Variants in C11orf16 observed in about 807,000 individuals in gnomAD.
C11orf16 encodes the protein uncharacterized protein C11orf16.
A neutral mutation model predicts 45.1 loss-of-function variants in C11orf16; 38 were observed. The observed-to-expected ratio is 0.84, with a 90% CI of 0.65 to 1.10. The LOEUF (loss-of-function observed/expected upper bound fraction) is 1.10. Among genes scored for constraint, C11orf16 ranks in the 50% least tolerant of loss-of-function variants. The pLI is 0.00. For synonymous variants in C11orf16, 221 were observed against 222.0 expected (o/e 1.00, Z 0.04); for missense variants, 583 against 569.5 (o/e 1.02, Z -0.24).
chr11:8,931,403 C>G (rs758165494), intron 2 of C11orf16, among the ~76,000 whole-genome samples: 2 of 150,724 alleles, frequency 1.3e-5, no homozygotes, highest in Non-Finnish European at 3.0e-5. Flanking sequence ...ATTGTTTTTT[C>G]TTTGAGACAG....
rs2064603651 is a variant in C11orf16 at position 8,925,527 on chromosome 11, G to C, written c.1140C>G (p.Gly380=). The C allele has an allele frequency of 6.2e-7, 1 of 1,614,202 alleles. No homozygotes were observed. The highest frequency in any genetic ancestry group is 2.2e-5 in the East Asian group (1 of 44,874). Residue 380 remains glycine, a synonymous_variant, in exon 5 of 7, where the codon GGC becomes GGG. Coordinates refer to ENST00000326053, the MANE Select transcript of C11orf16 (RefSeq NM_020643.3). ...AATACCTCCACTCAGGCTGGCAGAG[G>C]CCACTCTGTCTCAGAGGCATCTCAA... ...IFLEMPLRQS[G]LCQPEWRYWK...
chr11:8,927,264 G>A, intron 3 of C11orf16, 90 bp from the exon 4 acceptor site: 1 of 976,326 alleles, frequency 1.0e-6, no homozygotes, highest in Non-Finnish European at 1.5e-6. Context: ...CCCAAATCAG[G>A]CCCAGGGGCT....
At chr11:8,930,219 G>A (rs758786577) in intron 2 of C11orf16, among the ~76,000 whole-genome samples, 3 of 152,002 alleles carry the variant, frequency 2.0e-5, no homozygotes, top group Non-Finnish European at 4.4e-5. Flanking sequence ...ACGAGGTCAA[G>A]AGATCGAGAC....
At chr11:8,929,280 GA>G in intron 3 of C11orf16, 96 bp downstream of exon 3, 1 of 1,331,992 alleles carries the variant, frequency 7.5e-7, no homozygotes, top group Non-Finnish European at 1.0e-6. Flanking sequence ...GCTTATGCAA[GA>G]AACCAGCCTG....
Position 8,925,471 on chromosome 11 carries a change from C to G in C11orf16, c.1196G>C (p.Gly399Ala). ...CCACTCCCCTGGTATACCTGGCTTC[C>G]CAAGGCATGGCTCAGGCCCGTTTCT... ...WKRNGPEPCL[G>A]KPGTRYSNIC... Residue 399 changes from glycine to alanine, a missense_variant, in exon 5 of 7, where the codon GGG (glycine) becomes GCG (alanine). Coordinates refer to ENST00000326053, the MANE Select transcript of C11orf16 (RefSeq NM_020643.3). The G allele has an allele frequency of 1.2e-6, 2 of 1,611,556 alleles. No homozygotes were observed. Among genetic ancestry groups the G allele is most frequent in the Non-Finnish European group, 1.7e-6 (2 of 1,178,168 alleles).
At position 8,927,181 on chromosome 11, in the gene C11orf16, G is replaced by A. The variant is rs1168554510; in HGVS notation, c.325-7C>T. The A allele has an allele frequency of 1.2e-6, 2 of 1,606,406 alleles. No individual in the cohort carries two copies. Among genetic ancestry groups the A allele is most frequent in the South Asian group, 1.1e-5 (1 of 90,724 alleles). On this transcript the variant is annotated splice_polypyrimidine_tract_variant and splice_region_variant and intron_variant, in intron 3 of 6. Transcript: ENST00000326053. ...GGACCCCCTGTCTCTCCAGCTGTGGGAAAGAAAACACTCAGAATAAGACCT... is the reference window on the plus strand; with the variant it reads ...GGACCCCCTGTCTCTCCAGCTGTGGAAAAGAAAACACTCAGAATAAGACCT...
At position 8,926,043 on chromosome 11, in the gene C11orf16, A is replaced by G. The variant is rs774276437; in HGVS notation, c.624T>C (p.Gly208=). 11 of 1,613,984 alleles carry G rather than the reference A, an allele frequency of 6.8e-6. No homozygotes were observed. The East Asian group carries it at 1.8e-4, about 26-fold the overall frequency. ...WNGKAAKVPL[G]GVQSVSLTIW... ...TGGTCAGGGACACCGACTGGACCCC[A>G]CCTAGGGGCACTTTAGCAGCTTTGC... The change falls in exon 5 of 7, where the codon GGT becomes GGC. Residue 208 remains glycine, a synonymous_variant. Coordinates refer to ENST00000326053, the MANE Select transcript of C11orf16 (RefSeq NM_020643.3).
Position 8,925,798 on chromosome 11 carries a change from G to A in C11orf16, c.869C>T (p.Thr290Met), listed in dbSNP as rs773091467. Reference protein sequence around the residue: ...GCLCGCPPCGTTWWPLTRTSE... With the variant: ...GCLCGCPPCGMTWWPLTRTSE... ...GGTCCTGGTTAGAGGCCACCAAGTC[G>A]TGCCACATGGCGGGCAGCCACAGAG... Residue 290 changes from threonine to methionine, a missense_variant, in exon 5 of 7, where the codon ACG becomes ATG. Coordinates refer to ENST00000326053, the MANE Select transcript of C11orf16 (RefSeq NM_020643.3). The A allele has an allele frequency of 3.3e-5, 53 of 1,614,088 alleles. No homozygotes were observed. Among genetic ancestry groups the A allele is most frequent in the African/African-American group, 1.5e-4 (11 of 74,942 alleles).
intron 5 of C11orf16, among the ~76,000 whole-genome samples, chr11:8,924,090 A>C (rs1189000233): frequency 1.3e-5 from 2 of 151,904 alleles, no homozygotes; most frequent in Admixed American, 6.6e-5. Context: ...TATAAAATCC[A>C]AGTGCAGCAG....
chr11:8,928,185 G>T (rs1213534551), intron 3 of C11orf16, among the ~76,000 whole-genome samples: 1 of 152,090 alleles, frequency 6.6e-6, no homozygotes, highest in Non-Finnish European at 1.5e-5. Context: ...TGTTATTACA[G>T]GTGTGAGCAA....
Position 8,929,370 on chromosome 11 carries a change from G to C in C11orf16, c.324+7C>G, listed in dbSNP as rs766984986. Reference sequence around the variant, plus strand: ...ACGCCAGGGAGATACTGGGGTCAGGGACTTGCCTCGGGAGTGGCCTTTATT... The same window carrying C: ...ACGCCAGGGAGATACTGGGGTCAGGCACTTGCCTCGGGAGTGGCCTTTATT... On this transcript the variant is annotated splice_region_variant and intron_variant, in intron 3 of 6. Transcript: ENST00000326053. 1 of 1,612,718 alleles carries C rather than the reference G, an allele frequency of 6.2e-7. No individual in the cohort carries two copies. Among genetic ancestry groups the C allele is most frequent in the African/African-American group, 1.3e-5 (1 of 74,904 alleles).
intron 5 of C11orf16, among the ~76,000 whole-genome samples, chr11:8,922,756 C>G (rs1262398626): frequency 5.9e-5 from 9 of 152,202 alleles, no homozygotes; most frequent in Non-Finnish European, 1.0e-4. Context: ...TTAGGAGAAG[C>G]AAAACAGCAC....
At chr11:8,922,555 C>G (rs1476174078) in intron 5 of C11orf16, among the ~76,000 whole-genome samples, 1 of 152,150 alleles carries the variant, frequency 6.6e-6, no homozygotes, top group Non-Finnish European at 1.5e-5. Flanking sequence ...TCTGGCCTCC[C>G]TAGGACTATT....
In C11orf16 at chr11:8,925,619, C is replaced by A; in HGVS notation, c.1048G>T (p.Asp350Tyr). 1 of 1,614,266 alleles carries A rather than the reference C, an allele frequency of 6.2e-7. No individual in the cohort carries two copies. The stretch of plus-strand genomic sequence containing the variant: ...CTCTGGGGAGGGCCCATCTCCAGAT[C>A]ATTCTCCACACCGTCTTGTTCACAG... ...SSCEQDGVENDLEMGPPQRLM... is the reference protein window; with the variant it reads ...SSCEQDGVENYLEMGPPQRLM... The change falls in exon 5 of 7, where the codon GAT becomes TAT. Residue 350 changes from aspartate (D) to tyrosine (Y), a missense_variant. Physicochemically the swap from Asp to Tyr is radical, Grantham distance 160. Transcript: ENST00000326053.
intron 4 of C11orf16, 50 bp from the exon 5 acceptor site, chr11:8,926,157 T>C (rs2064610894): frequency 1.4e-6 from 2 of 1,406,226 alleles, no homozygotes; most frequent in Non-Finnish European, 9.6e-7. Context: ...AATTATCTCC[T>C]TTTTTTTCTT....
At chr11:8,925,313 GCCT>G in intron 5 of C11orf16, 147 bp downstream of exon 5, 1 of 723,858 alleles carries the variant, frequency 1.4e-6, no homozygotes, top group Admixed American at 2.5e-5. Flanking sequence ...TCTTGCCACA[GCCT>G]CCTCTTCAGC....
rs990283504 is a variant in C11orf16, at chr11:8,921,463, T to G, written c.1257A>C (p.Arg419Ser). 9 of 1,614,224 alleles carry G rather than the reference T, an allele frequency of 5.6e-6. No individual in the cohort carries two copies. Among genetic ancestry groups the G allele is most frequent in the Admixed American group, 5.0e-5 (3 of 60,024 alleles). Reference sequence around the variant, plus strand: ...TAGTCCCCACTACTGCAGTTTGTGCTCTCTGCTGTTTGTGATCCTTTTCTT... The same window carrying G: ...TAGTCCCCACTACTGCAGTTTGTGCGCTCTGCTGTTTGTGATCCTTTTCTT... ...CKEEKDHKQQ[R>S]AQTAVVGTTK... The change falls in exon 6 of 7, where the codon AGA (arginine) becomes AGC (serine). Residue 419 changes from arginine to serine, a missense_variant. Arg to Ser is a moderately radical substitution (Grantham distance 110). Coordinates refer to ENST00000326053, the MANE Select transcript of C11orf16 (RefSeq NM_020643.3).
At position 8,925,490 on chromosome 11, in the gene C11orf16, C is replaced by T. The variant is rs143892206; in HGVS notation, c.1177G>A (p.Gly393Arg). 486 of 1,614,048 alleles carry T rather than the reference C, an allele frequency of 3.0e-4. No individual in the cohort carries two copies. In the African/African-American group the frequency reaches 5.4e-3, roughly 18 times the overall value. Residue 393 changes from glycine (G) to arginine (R), a missense_variant, in exon 5 of 7, where the codon GGG becomes AGG. Transcript: ENST00000326053. ...QPEWRYWKRN[G>R]PEPCLGKPGT... ...GGCTTCCCAAGGCATGGCTCAGGCC[C>T]GTTTCTCTTCCAATACCTCCACTCA...
intron 3 of C11orf16, among the ~76,000 whole-genome samples, chr11:8,928,741 TCCTC>T: frequency 6.6e-6 from 1 of 152,204 alleles, no homozygotes; most frequent in African/African-American, 2.4e-5. Flanking sequence ...CCTCAAGCAA[TCCTC>T]CCACCACCAC....
Sources: gnomAD v4.1 joint callset for allele counts (sites outside exome capture counted in the v4.1 genomes callset) on GRCh38, gnomAD v4.1.1 for gene constraint, MANE v1.5 for transcripts, NCBI Gene and HGNC (gene_info 2026-07-23, HGNC 2026-07-21) for gene names.